Variants in DIP2B observed in about 807,000 individuals in gnomAD.
DIP2B encodes the protein disco-interacting protein 2 homolog B.
DIP2B carries 76 observed loss-of-function variants against 198.0 expected under a neutral mutation model. The observed-to-expected ratio is 0.38, with a 90% CI of 0.32 to 0.46. The LOEUF (loss-of-function observed/expected upper bound fraction) is 0.46, where lower values mean the gene tolerates loss of function less well. DIP2B is among the 20% of genes least tolerant of loss of function. The pLI, the probability that DIP2B is intolerant of heterozygous loss-of-function variation, is 0.99. For synonymous variants in DIP2B, 701 were observed against 739.1 expected (o/e 0.95, Z 0.84); for missense variants, 1,559 against 1,978.4 (o/e 0.79, Z 4.02).
At chr12:50,660,838 G>C (rs1194863249) in intron 4 of DIP2B, among the ~76,000 whole-genome samples, 3 of 152,094 alleles carry the variant, frequency 2.0e-5, no homozygotes, top group Non-Finnish European at 4.4e-5. Flanking sequence ...ATATAAGTGT[G>C]TTTATGTGTG....
At chr12:50,616,251 T>C (rs1316237842) in intron 1 of DIP2B, among the ~76,000 whole-genome samples, 1 of 152,244 alleles carries the variant, frequency 6.6e-6, no homozygotes, top group Non-Finnish European at 1.5e-5. Flanking sequence ...TTGTCCTAAA[T>C]GAGGTGAGAG....
chr12:50,697,285 C>G (rs1347675676), intron 17 of DIP2B, 110 bp downstream of exon 17: 1 of 931,336 alleles, frequency 1.1e-6, no homozygotes, highest in African/African-American at 1.7e-5. Flanking sequence ...TAAGCAGTTT[C>G]AAGCATCTCA....
intron 2 of DIP2B, among the ~76,000 whole-genome samples, chr12:50,640,395 G>T (rs1593678631): frequency 6.6e-6 from 1 of 152,044 alleles, no homozygotes; most frequent in Non-Finnish European, 1.5e-5. Context: ...GCTATTCGTT[G>T]TCTCACTGTT....
intron 1 of DIP2B, among the ~76,000 whole-genome samples, chr12:50,589,183 CAAAAA>C (rs1490487757): frequency 6.7e-6 from 1 of 148,322 alleles, no homozygotes; most frequent in African/African-American, 2.5e-5. Flanking sequence ...GACTCTGTCT[CAAAAA>C]AATAAAATAA....
In DIP2B at chr12:50,723,246, T is replaced by G. The variant is rs1376813164; in HGVS notation, c.3211T>G (p.Cys1071Gly). 1.2e-6 allele frequency: 2 copies of G among 1,614,188 alleles called. No individual in the cohort carries two copies. The highest frequency in any genetic ancestry group is 2.2e-5 in the South Asian group (2 of 91,078). The change falls in exon 27 of 38, where the codon TGT becomes GGT. Residue 1071 changes from cysteine to glycine, a missense_variant. Physicochemically the swap from Cys to Gly is radical, Grantham distance 159 (BLOSUM62 -3). Coordinates refer to ENST00000301180, the MANE Select transcript of DIP2B (RefSeq NM_173602.3). ...AAFYGCLYAG[C>G]IPVTVRPPHA... ...CTTCTATGGCTGCCTGTATGCGGGC[T>G]GTATACCTGTGACCGTCAGACCTCC... is the stretch of plus-strand genomic sequence containing the variant.
At chr12:50,574,712 C>T (rs1485997824) in intron 1 of DIP2B, among the ~76,000 whole-genome samples, 1 of 152,198 alleles carries the variant, frequency 6.6e-6, no homozygotes, top group East Asian at 1.9e-4. Context: ...AATGAATGTT[C>T]CCATCTGGTA....
chr12:50,682,858 T>G (rs1438602639), intron 9 of DIP2B, among the ~76,000 whole-genome samples: 1 of 152,176 alleles, frequency 6.6e-6, no homozygotes, highest in African/African-American at 2.4e-5. Flanking sequence ...AGATGGTTTG[T>G]TTGTTGCTAA....
intron 12 of DIP2B, among the ~76,000 whole-genome samples, chr12:50,689,295 A>T (rs143147080): frequency 1.4e-5 from 2 of 146,986 alleles, no homozygotes; most frequent in African/African-American, 4.9e-5. Flanking sequence ...GCTACTTGGG[A>T]GGCTGAGCCT....
chr12:50,591,271 T>C (rs1958815835), intron 1 of DIP2B, among the ~76,000 whole-genome samples: 1 of 152,238 alleles, frequency 6.6e-6, no homozygotes, highest in Admixed American at 6.5e-5. Context: ...GCCAAGAAAC[T>C]AGAAGCTAAA....
intron 3 of DIP2B, among the ~76,000 whole-genome samples, chr12:50,654,824 A>T (rs759130521): frequency 6.6e-6 from 1 of 152,208 alleles, no homozygotes; most frequent in African/African-American, 2.4e-5. Flanking sequence ...CTATACTAGG[A>T]TATGAATTCT....
At chr12:50,658,139 G>A (rs1938586152) in intron 3 of DIP2B, among the ~76,000 whole-genome samples, 1 of 151,692 alleles carries the variant, frequency 6.6e-6, no homozygotes, top group Non-Finnish European at 1.5e-5. Flanking sequence ...TCTGGGGTTT[G>A]TTGTTTTGTT....
intron 1 of DIP2B, among the ~76,000 whole-genome samples, chr12:50,511,700 A>C (rs1050772584): frequency 5.9e-5 from 9 of 151,998 alleles, no homozygotes; most frequent in Admixed American, 4.6e-4. Context: ...CTGTAATCCC[A>C]GCACTTTGGG....
rs956747589 is a variant in DIP2B, at chr12:50,736,915, G to A, written c.4102-121G>A. 6.9e-6 allele frequency: 6 copies of A among 867,996 alleles called. No individual in the cohort carries two copies. In the East Asian group the frequency reaches 7.5e-5, roughly 11 times the overall value. 53.8% of individuals were successfully genotyped at this position (867,996 alleles called of 1,614,324 possible). ...CCCTCAGGGTAGCTGCTGTGATGCC[G>A]CTACAGCTGGCTCGCCATGTGTGCC... On this transcript the variant is annotated intron_variant, in intron 34 of 37. Coordinates refer to ENST00000301180, the MANE Select transcript of DIP2B (RefSeq NM_173602.3).
At chr12:50,651,363 C>T (rs1938449766) in intron 3 of DIP2B, among the ~76,000 whole-genome samples, 1 of 152,168 alleles carries the variant, frequency 6.6e-6, no homozygotes, top group Non-Finnish European at 1.5e-5. Flanking sequence ...TTTGCTCTTA[C>T]TGCCTGTGGT....
chr12:50,542,232 G>A, intron 1 of DIP2B, among the ~76,000 whole-genome samples: 1 of 136,692 alleles, frequency 7.3e-6, no homozygotes, highest in South Asian at 2.3e-4. Context: ...CTGGGTGACA[G>A]AGTGAGACTC....
rs530416849 is a variant in DIP2B, at chr12:50,653,942, C to T, written c.302-6252C>T. Among the ~76,000 whole-genome samples, 331 of 151,040 alleles carry T rather than the reference C, an allele frequency of 2.2e-3. 3 individuals are homozygous for T. Among genetic ancestry groups the T allele is most frequent in the Non-Finnish European group, 2.8e-3 (189 of 67,636 alleles). On this transcript the variant is annotated intron_variant, in intron 3 of 37. Transcript: ENST00000301180. ...AGGCTGGAGTGCAGTGGCGTGATCTCAGCTCACTGCAACCTCCACCTCCTG... is the reference window on the plus strand; with the variant it reads ...AGGCTGGAGTGCAGTGGCGTGATCTTAGCTCACTGCAACCTCCACCTCCTG...
At chr12:50,550,810 T>C (rs1228591625) in intron 1 of DIP2B, among the ~76,000 whole-genome samples, 1 of 152,120 alleles carries the variant, frequency 6.6e-6, no homozygotes, top group Non-Finnish European at 1.5e-5. Context: ...AGCTACAGAT[T>C]TAAGGTTTAT....
intron 1 of DIP2B, among the ~76,000 whole-genome samples, chr12:50,510,984 C>T (rs116501408): frequency 0.069 from 9,009 of 130,912 alleles, 705 homozygotes; most frequent in East Asian, 0.4. Flanking sequence ...CTCTCCCTGT[C>T]ACCCGTGCTG....
intron 17 of DIP2B, among the ~76,000 whole-genome samples, chr12:50,697,785 C>T (rs916847520): frequency 6.6e-6 from 1 of 151,784 alleles, no homozygotes; most frequent in African/African-American, 2.4e-5. Context: ...CCTTCCTTGT[C>T]CTCCCAAGTG....
Sources: allele counts gnomAD v4.1 joint callset (sites outside exome capture counted in the v4.1 genomes callset), GRCh38; gene constraint gnomAD v4.1.1; transcripts MANE v1.5; gene names NCBI Gene and HGNC (gene_info 2026-07-23, HGNC 2026-07-21).